LRPPRC: variants seen among roughly 807,000 people sequenced by gnomAD.
The protein encoded by LRPPRC is leucine-rich PPR motif-containing protein, mitochondrial.
Under a neutral mutation model 180.3 loss-of-function variants are expected in LRPPRC, and 120 were observed. The observed-to-expected ratio is 0.67, with a 90% confidence interval of 0.57 to 0.77. The LOEUF (loss-of-function observed/expected upper bound fraction) is 0.77. Among genes scored for constraint, LRPPRC ranks in the 30% least tolerant of loss-of-function variants. LRPPRC has a pLI of 0.00. For missense variants in LRPPRC, 2,012 were observed against 1,657.2 expected, an observed-to-expected ratio of 1.21 and a Z score of -3.72; for synonymous variants, 723 against 600.0, an observed-to-expected ratio of 1.21 and a Z score of -3.00.
chr2:43,982,688 G>A (rs1559057403), intron 1 of LRPPRC, among the ~76,000 whole-genome samples: 1 of 152,078 alleles, frequency 6.6e-6, no homozygotes, highest in East Asian at 1.9e-4. Context: ...CTTTGAACAT[G>A]GAATGATTTC....
rs75847568 is a variant in LRPPRC, at chr2:43,955,867, T to G, written c.1649+1518A>C. On this transcript the variant is annotated intron_variant, in intron 14 of 37. Coordinates refer to ENST00000260665, the MANE Select transcript of LRPPRC (RefSeq NM_133259.4). ...GACACAGTCTCAAATTACCACCCCA[T>G]AGTCTTCTTAGTAATTACAAAGTGG... Among the ~76,000 whole-genome samples, 772 of 152,296 alleles carry G rather than the reference T, an allele frequency of 5.1e-3. 13 individuals carry two copies. The highest frequency in any genetic ancestry group is 0.018 in the African/African-American group (732 of 41,572).
Position 43,973,526 on chromosome 2 carries a change from A to C in LRPPRC, c.1369+81T>G, listed in dbSNP as rs1383589156. The C allele has an allele frequency of 3.0e-5, 27 of 888,058 alleles. No individual in the cohort carries two copies. In the Middle Eastern group the frequency reaches 3.0e-3, roughly 99 times the overall value. The allele number at this position is 888,058 out of a possible 1,614,324, so 55.0% of individuals were successfully genotyped here. A position where few individuals can be genotyped will look rare whatever the true frequency, so the allele number is the denominator to read the frequency against. On this transcript the variant is annotated intron_variant, in intron 11 of 37. Coordinates refer to ENST00000260665, the MANE Select transcript of LRPPRC (RefSeq NM_133259.4). ...TACTCAGGAATAAGTATGCTTTTCC[A>C]AAGAATCCAATTAGATGTGCGTGCA...
At chr2:43,984,041 G>C (rs1403621962) in intron 1 of LRPPRC, among the ~76,000 whole-genome samples, 8 of 151,990 alleles carry the variant, frequency 5.3e-5, no homozygotes, top group Admixed American at 1.3e-4. Context: ...TGTCAAACGA[G>C]CTGAATTAAG....
At chr2:43,933,895 G>A (rs1572938156) in intron 25 of LRPPRC, among the ~76,000 whole-genome samples, 1 of 152,096 alleles carries the variant, frequency 6.6e-6, no homozygotes, top group Non-Finnish European at 1.5e-5. Context: ...AGGAATGCCA[G>A]TTTAATTTAA....
intron 14 of LRPPRC, among the ~76,000 whole-genome samples, chr2:43,954,860 G>C (rs927935966): frequency 4.6e-5 from 7 of 152,146 alleles, no homozygotes; most frequent in Non-Finnish European, 7.4e-5. Flanking sequence ...TAGACCAAGA[G>C]ATGTTCATGT....
chr2:43,947,819 TA>T (rs767825920), intron 18 of LRPPRC, 44 bp from the exon 19 acceptor site: 2 of 1,235,774 alleles, frequency 1.6e-6, no homozygotes, highest in Non-Finnish European at 2.4e-6. Context: ...AAAACACACG[TA>T]AAAATACATC....
chr2:43,970,860 G>A (rs1673773055), intron 11 of LRPPRC, among the ~76,000 whole-genome samples: 1 of 152,214 alleles, frequency 6.6e-6, no homozygotes, highest in Middle Eastern at 3.2e-3. Context: ...AGCATTTTGG[G>A]AGGCTGTGGC....
chr2:43,923,153 A>G (rs1671755735), intron 27 of LRPPRC, among the ~76,000 whole-genome samples: 1 of 144,888 alleles, frequency 6.9e-6, no homozygotes, highest in Non-Finnish European at 1.5e-5. Flanking sequence ...ATGAAGCTAA[A>G]TGTTGTATAT....
chr2:43,948,680 G>A (rs1017443644), intron 16 of LRPPRC, among the ~76,000 whole-genome samples, 162 bp from the exon 17 acceptor site: 1 of 152,128 alleles, frequency 6.6e-6, no homozygotes, highest in South Asian at 2.1e-4. Context: ...TGTGGTTTGG[G>A]AGCACATATC....
At chr2:43,934,424 A>C (rs1002869603) in intron 24 of LRPPRC, 128 bp from the exon 25 acceptor site, 24 of 639,252 alleles carry the variant, frequency 3.8e-5, no homozygotes, top group Non-Finnish European at 5.8e-5. Flanking sequence ...TAACTTAAAG[A>C]ATATAGCTAT....
chr2:43,960,802 G>A (rs182050044), intron 12 of LRPPRC, among the ~76,000 whole-genome samples, 168 bp from the exon 13 acceptor site: 1 of 152,266 alleles, frequency 6.6e-6, no homozygotes, highest in East Asian at 1.9e-4. Context: ...TGACATTTCA[G>A]CATTCTAAGT....
intron 23 of LRPPRC, among the ~76,000 whole-genome samples, chr2:43,941,946 C>G (rs991763941): frequency 1.3e-5 from 2 of 151,348 alleles, no homozygotes; most frequent in Non-Finnish European, 2.9e-5. Flanking sequence ...TGAAAAGACA[C>G]TAATTTAGAT....
chr2:43,985,189 T>C (rs755369451), intron 1 of LRPPRC, among the ~76,000 whole-genome samples: 3 of 152,116 alleles, frequency 2.0e-5, no homozygotes, highest in African/African-American at 4.8e-5. Context: ...AGAGACTGAC[T>C]AGAAAAAAAC....
intron 6 of LRPPRC, 122 bp downstream of exon 6, chr2:43,976,021 A>T: frequency 1.5e-6 from 1 of 647,062 alleles, no homozygotes; most frequent in Non-Finnish European, 2.8e-6. Context: ...TATTTTAAGA[A>T]CTGTCTACAA....
chr2:43,988,293 T>G (rs1432350742), intron 1 of LRPPRC, among the ~76,000 whole-genome samples: 1 of 149,980 alleles, frequency 6.7e-6, no homozygotes, highest in African/African-American at 2.5e-5. Context: ...TCCCAACACT[T>G]TGGGAGGCCA....
rs146935353 is a variant in LRPPRC at position 43,982,327 on chromosome 2, G to A, written c.257C>T (p.Ala86Val). The stretch of plus-strand genomic sequence containing the variant: ...AACAGAAAGATCTAGTCTCATTAGA[G>A]CCCAATCAAACTGATTGGAAATCTT... ...SRKISNQFDW[A>V]LMRLDLSVRR... is the part of the protein sequence containing the mutation. The change falls in exon 2 of 38, where the codon GCT (alanine) becomes GTT (valine). Residue 86 changes from alanine (A) to valine (V), a missense_variant. By Grantham distance (64) the Ala-to-Val change is moderately conservative (BLOSUM62 0). Coordinates refer to ENST00000260665, the MANE Select transcript of LRPPRC (RefSeq NM_133259.4). 27 of 1,612,374 alleles carry A rather than the reference G, an allele frequency of 1.7e-5. No individual in the cohort carries two copies. The African/African-American group carries it at 3.3e-4, about 20-fold the overall frequency.
chr2:43,955,474 G>GAAAA (rs200193004), intron 14 of LRPPRC, among the ~76,000 whole-genome samples: 29 of 115,212 alleles, frequency 2.5e-4, no homozygotes, highest in East Asian at 4.9e-4. Context: ...GTCTCAAAAA[G>GAAAA]AAAAAAAAAA....
At chr2:43,899,436 T>C (rs776739972) in intron 33 of LRPPRC, 30 bp downstream of exon 33, 1 of 1,613,938 alleles carries the variant, frequency 6.2e-7, no homozygotes, top group Non-Finnish European at 8.5e-7. Context: ...AATGTGCTTG[T>C]GTGTTCTTTA....
In LRPPRC at chr2:43,947,379, A is replaced by C. The variant is rs1301365907; in HGVS notation, c.1966-9T>G. ...GATGTAAGTTGCACAGTCTACAGAA[A>C]AGAAAAAAGAAAAGAAAAATTTCCT... is the stretch of plus-strand genomic sequence containing the variant. On this transcript the variant is annotated splice_polypyrimidine_tract_variant and intron_variant, in intron 19 of 37. Coordinates refer to ENST00000260665, the MANE Select transcript of LRPPRC (RefSeq NM_133259.4). 4.4e-6 allele frequency: 6 copies of C among 1,363,308 alleles called. No individual in the cohort carries two copies. The highest frequency in any genetic ancestry group is 1.4e-5 in the African/African-American group (1 of 70,088). The allele number at this position is 1,363,308 out of a possible 1,614,324, so 84.5% of individuals were successfully genotyped here.
Sources: allele counts gnomAD v4.1 joint callset (sites outside exome capture counted in the v4.1 genomes callset), GRCh38; gene constraint gnomAD v4.1.1; transcripts MANE v1.5; gene names NCBI Gene and HGNC (gene_info 2026-07-23, HGNC 2026-07-21).